Variants in TASP1 observed in about 807,000 individuals in gnomAD.
TASP1 encodes the protein threonine aspartase 1.
Under a neutral mutation model 56.6 loss-of-function variants are expected in TASP1, and 16 were observed. The observed-to-expected ratio is 0.28, with a 90% CI of 0.19 to 0.43. The LOEUF (loss-of-function observed/expected upper bound fraction) is 0.43, where lower values mean the gene tolerates loss of function less well. Among genes scored for constraint, TASP1 ranks in the 20% least tolerant of loss-of-function variants. The probability of loss-of-function intolerance (pLI) is 1.00; values close to 1 mark genes in which losing one functional copy is unlikely to be tolerated. For missense variants in TASP1, 393 were observed against 511.6 expected (o/e 0.77, Z 2.24); for synonymous variants, 179 against 184.2 (o/e 0.97, Z 0.23).
chr20:13,367,485 C>T, the TASP1 span, among the ~76,000 whole-genome samples: 4 of 152,164 alleles, frequency 2.6e-5, no homozygotes, highest in African/African-American at 4.8e-5. Flanking sequence ...TGATGAATTG[C>T]GATCACTCAG....
At chr20:13,637,632 T>C (rs190491978) in intron 1 of TASP1, among the ~76,000 whole-genome samples, 339 of 152,268 alleles carry the variant, frequency 2.2e-3, no homozygotes, top group Admixed American at 3.0e-3. Context: ...ACCAGACAAG[T>C]GAGGCCATAT....
the TASP1 span, among the ~76,000 whole-genome samples, chr20:13,148,293 G>A: frequency 6.6e-6 from 1 of 152,212 alleles, no homozygotes; most frequent in African/African-American, 2.4e-5. Context: ...GGAGGTTAAA[G>A]TATTTGTGGC....
At chr20:13,344,190 G>C in the TASP1 span, among the ~76,000 whole-genome samples, 5 of 151,896 alleles carry the variant, frequency 3.3e-5, no homozygotes, top group Non-Finnish European at 5.9e-5. Flanking sequence ...ACCTCTAGAC[G>C]GCCAGGAAGT....
At chr20:13,427,384 G>C (rs1600756493) in intron 12 of TASP1, among the ~76,000 whole-genome samples, 1 of 152,184 alleles carries the variant, frequency 6.6e-6, no homozygotes. Context: ...TACTGCATTT[G>C]AGTTCTAATT....
chr20:13,598,470 G>T (rs981398988), intron 4 of TASP1, among the ~76,000 whole-genome samples: 1 of 152,104 alleles, frequency 6.6e-6, no homozygotes, highest in African/African-American at 2.4e-5. Flanking sequence ...TGGGAAAACT[G>T]GCTAGCCTTA....
At chr20:13,567,106 G>A (rs1267162389) in intron 7 of TASP1, among the ~76,000 whole-genome samples, 1 of 152,092 alleles carries the variant, frequency 6.6e-6, no homozygotes. Flanking sequence ...ATAAAAAAGA[G>A]TAAGATCATG....
the TASP1 span, among the ~76,000 whole-genome samples, chr20:13,287,493 T>G: frequency 6.6e-6 from 1 of 152,296 alleles, no homozygotes. Context: ...TACCACCCTC[T>G]CCCACACCTC....
At chr20:13,606,790 G>A (rs1441892221) in intron 4 of TASP1, among the ~76,000 whole-genome samples, 2 of 144,922 alleles carry the variant, frequency 1.4e-5, no homozygotes, top group Non-Finnish European at 3.0e-5. Context: ...CTGGGCGACT[G>A]AGCGAGACTC....
chr20:13,147,096 A>G, the TASP1 span, among the ~76,000 whole-genome samples: 2 of 152,200 alleles, frequency 1.3e-5, no homozygotes, highest in African/African-American at 4.8e-5. Flanking sequence ...CCTCGAAATC[A>G]GGCCATGCCG....
rs60099056 is a variant in TASP1 at position 13,498,331 on chromosome 20, T to TTGTGTGTGTG, written c.875-15004_875-14995dup. Among the ~76,000 whole-genome samples the TTGTGTGTGTG allele has an allele frequency of 6.1e-3, 823 of 135,096 alleles. 7 individuals carry two copies. Among genetic ancestry groups the TTGTGTGTGTG allele is most frequent in the Non-Finnish European group, 7.1e-3 (454 of 64,072 alleles). The allele number at this position is 135,096 out of a possible 152,430, so 88.6% of individuals were successfully genotyped here. A position where few individuals can be genotyped will look rare whatever the true frequency, so the allele number is the denominator to read the frequency against. On this transcript the variant is annotated intron_variant, in intron 10 of 13. Transcript: ENST00000337743. ...ATGAACAAACACTTTTTCTTTTCTTTTGTGTGTGTGTGTGTGTGTGTGTGT... is the reference window on the plus strand; with the variant it reads ...ATGAACAAACACTTTTTCTTTTCTTTTGTGTGTGTGTGTGTGTGTGTGTGTGTGTGTGTGT...
At chr20:13,232,378 A>G in the TASP1 span, among the ~76,000 whole-genome samples, 2 of 152,282 alleles carry the variant, frequency 1.3e-5, no homozygotes, top group African/African-American at 4.8e-5. Flanking sequence ...GATTTCCTAG[A>G]CTTTTATATA....
chr20:13,397,383 C>T (rs1485449890), intron 13 of TASP1, among the ~76,000 whole-genome samples: 2 of 151,684 alleles, frequency 1.3e-5, no homozygotes, highest in African/African-American at 4.9e-5. Context: ...AATACCATGT[C>T]AGACAGAAAG....
At chr20:13,477,288 CA>C (rs2042980334) in intron 11 of TASP1, among the ~76,000 whole-genome samples, 1 of 151,884 alleles carries the variant, frequency 6.6e-6, no homozygotes, top group East Asian at 1.9e-4. Flanking sequence ...AAATATAGAG[CA>C]AAAATCACTT....
chr20:13,351,052 T>G, the TASP1 span, among the ~76,000 whole-genome samples: 2 of 151,510 alleles, frequency 1.3e-5, no homozygotes, highest in Non-Finnish European at 2.9e-5. Flanking sequence ...AAAGAAGATA[T>G]AAGGATGGCA....
At chr20:13,391,949 C>CA (rs1352028563) in intron 13 of TASP1, among the ~76,000 whole-genome samples, 1 of 135,476 alleles carries the variant, frequency 7.4e-6, no homozygotes, top group Admixed American at 7.9e-5. Context: ...GCCTGGGCGA[C>CA]AGAGCGAGAC....
At chr20:13,126,656 G>A in the TASP1 span, 28 of 1,613,890 alleles carry the variant, frequency 1.7e-5, no homozygotes, top group East Asian at 2.9e-4. Flanking sequence ...TGAGCCCACC[G>A]ATAGCAGAGC....
At chr20:13,305,190 T>C in the TASP1 span, among the ~76,000 whole-genome samples, 1 of 120,388 alleles carries the variant, frequency 8.3e-6, no homozygotes, top group Admixed American at 9.6e-5. Flanking sequence ...TTTAATACCG[T>C]TGAGTTGTTA....
At chr20:13,452,787 G>C (rs1025067426) in intron 11 of TASP1, among the ~76,000 whole-genome samples, 10 of 152,054 alleles carry the variant, frequency 6.6e-5, no homozygotes, top group African/African-American at 2.4e-4. Flanking sequence ...GGTTGAACTT[G>C]GTTCAACATC....
At chr20:13,450,813 G>A (rs533432601) in intron 11 of TASP1, among the ~76,000 whole-genome samples, 1 of 152,156 alleles carries the variant, frequency 6.6e-6, no homozygotes, top group Admixed American at 6.6e-5. Context: ...GTTCCCAATG[G>A]CATCTAGAAG....
Sources: gnomAD v4.1 joint callset for allele counts (sites outside exome capture counted in the v4.1 genomes callset) on GRCh38, gnomAD v4.1.1 for gene constraint, MANE v1.5 for transcripts, NCBI Gene and HGNC (gene_info 2026-07-23, HGNC 2026-07-21) for gene names.